Variants in KLHL42 observed in about 807,000 individuals in gnomAD.
KLHL42 encodes kelch like family member 42.
Under a neutral mutation model 32.7 loss-of-function variants are expected in KLHL42, and 27 were observed. The observed-to-expected ratio is 0.83, with a 90% CI of 0.61 to 1.14. The LOEUF (loss-of-function observed/expected upper bound fraction) is 1.14. Among genes scored for constraint, KLHL42 ranks in the 50% most tolerant of loss-of-function variants. The pLI is 0.00. For missense variants in KLHL42, 491 were observed against 560.8 expected (o/e 0.88, Z 1.26); for synonymous variants, 267 against 248.2 (o/e 1.08, Z -0.71).
At chr12:27,785,856 G>T (rs1018836077) in intron 1 of KLHL42, among the ~76,000 whole-genome samples, 1 of 152,108 alleles carries the variant, frequency 6.6e-6, no homozygotes, top group African/African-American at 2.4e-5. Context: ...AAAAGTTAAT[G>T]TATAATTTTA....
intron 1 of KLHL42, among the ~76,000 whole-genome samples, chr12:27,787,366 G>A (rs2062176869): frequency 1.3e-5 from 2 of 151,870 alleles, no homozygotes; most frequent in African/African-American, 4.8e-5. Context: ...ATGGTGGTGG[G>A]CACCTGTAGT....
chr12:27,794,767 T>C (rs2062211627), intron 2 of KLHL42, among the ~76,000 whole-genome samples: 1 of 152,202 alleles, frequency 6.6e-6, no homozygotes, highest in South Asian at 2.1e-4. Context: ...TGTATATTTA[T>C]GTATTTAAGG....
chr12:27,792,961 G>A (rs1026600162), intron 2 of KLHL42, among the ~76,000 whole-genome samples: 8 of 152,156 alleles, frequency 5.3e-5, no homozygotes, highest in Non-Finnish European at 8.8e-5. Context: ...GTGTTGCCTA[G>A]GCTGGTCTTG....
At chr12:27,788,724 T>C (rs2062183966) in intron 1 of KLHL42, among the ~76,000 whole-genome samples, 1 of 152,216 alleles carries the variant, frequency 6.6e-6, no homozygotes, top group Non-Finnish European at 1.5e-5. Context: ...AAAAAAATTT[T>C]TCTTATAAGT....
chr12:27,797,025 CATGGGAA>C (rs1293801515), intron 2 of KLHL42, among the ~76,000 whole-genome samples: 1 of 151,646 alleles, frequency 6.6e-6, no homozygotes, highest in African/African-American at 2.4e-5. Context: ...TTGTGAGGGA[CATGGGAA>C]ATGGGAAAAG....
intron 2 of KLHL42, chr12:27,792,272 G>T (rs576222603): frequency 1.2e-5 from 2 of 173,312 alleles, no homozygotes; most frequent in African/African-American, 2.4e-5. Context: ...GATTATCTGG[G>T]AACTCCCATC....
intron 2 of KLHL42, among the ~76,000 whole-genome samples, chr12:27,792,910 T>A (rs1479364323): frequency 2.0e-5 from 3 of 152,284 alleles, no homozygotes; most frequent in Non-Finnish European, 2.9e-5. Flanking sequence ...ATTAAAAAAA[T>A]TTCTCCACAA....
rs757695156 is a variant in KLHL42, at chr12:27,791,897, C to T, written c.1062C>T (p.Thr354=). ...TTTATGTCATTGGAGGATACACTAC[C>T]AGAGGTAAGTGAAGGGACCAGGTAG... ...GKIYVIGGYT[T]RDRNMNILQY... is the part of the protein sequence containing the mutation. The change falls in exon 2 of 3, where the codon ACC becomes ACT. Residue 354 remains threonine, a synonymous_variant. Transcript: ENST00000381271. 5 of 1,613,706 alleles carry T rather than the reference C, an allele frequency of 3.1e-6. No homozygotes were observed. In the Admixed American group the frequency reaches 5.0e-5, roughly 16 times the overall value.
At position 27,786,295 on chromosome 12, in the gene KLHL42, C is replaced by A. The variant is rs564572237; in HGVS notation, c.872+5093C>A. The stretch of plus-strand genomic sequence containing the variant: ...TCTTTTGTGGTACAGTGCTACTTTT[C>A]AAAATTTCATCATGTGTGCCTCAGC... On this transcript the variant is annotated intron_variant, in intron 1 of 2. Transcript: ENST00000381271. 1.7e-4 allele frequency among the ~76,000 whole-genome samples: 26 copies of A among 152,302 alleles called. 1 individual carries two copies. The highest frequency in any genetic ancestry group is 6.0e-4 in the African/African-American group (25 of 41,560).
rs1565480492 is a variant in KLHL42, at chr12:27,780,642, G to A, written c.312G>A (p.Glu104=). Residue 104 remains glutamate, a synonymous_variant, in exon 1 of 3, where the codon GAG becomes GAA. Transcript: ENST00000381271. This position sits in a 1 kb window ranked among gnomAD's most constrained non-coding sequence, Gnocchi z 8.8. ...TGGATGAGGTGAGCCTGCTGTCCGA[G>A]CTGGTGGAGGCGGCCTCCTTCCTGC... ...EEMDEVSLLS[E]LVEAASFLQV... is the part of the protein sequence containing the mutation. 1 of 1,574,732 alleles carries A rather than the reference G, an allele frequency of 6.4e-7. No homozygotes were observed. The highest frequency in any genetic ancestry group is 1.7e-4 in the Middle Eastern group (1 of 5,854).
chr12:27,787,061 G>A (rs1356235385), intron 1 of KLHL42, among the ~76,000 whole-genome samples: 1 of 152,066 alleles, frequency 6.6e-6, no homozygotes, highest in Non-Finnish European at 1.5e-5. Context: ...GCACTCTGGA[G>A]AAGATAGTGG....
chr12:27,790,266 G>T (rs2062190658), intron 1 of KLHL42, among the ~76,000 whole-genome samples: 2 of 152,078 alleles, frequency 1.3e-5, no homozygotes, highest in Non-Finnish European at 2.9e-5. Flanking sequence ...GTTTCTGATA[G>T]ACTATTTGAT....
chr12:27,783,460 A>G (rs867043670), intron 1 of KLHL42, among the ~76,000 whole-genome samples: 1 of 152,232 alleles, frequency 6.6e-6, no homozygotes, highest in Non-Finnish European at 1.5e-5. Flanking sequence ...CACCTTACAC[A>G]TTTTAAAAAT....
rs1591815796 is a variant in KLHL42 at position 27,791,751 on chromosome 12, A to G, written c.916A>G (p.Ile306Val). ...LVAVNSKLYAIGGQAVSNVEC... is the reference protein window; with the variant it reads ...LVAVNSKLYAVGGQAVSNVEC... ...GGCTGTTAATTCAAAACTCTATGCC[A>G]TCGGAGGGCAGGCCGTTTCTAACGT... Residue 306 changes from isoleucine to valine, a missense_variant, in exon 2 of 3, where the codon ATC becomes GTC. Physicochemically the swap from Ile to Val is conservative, Grantham distance 29. Transcript: ENST00000381271. 12 of 1,614,214 alleles carry G rather than the reference A, an allele frequency of 7.4e-6. No homozygotes were observed. Among genetic ancestry groups the G allele is most frequent in the Non-Finnish European group, 9.3e-6 (11 of 1,180,024 alleles).
At position 27,797,952 on chromosome 12, in the gene KLHL42, C is replaced by T. The variant is rs770449970; in HGVS notation, c.1304C>T (p.Thr435Met). The change falls in exon 3 of 3, where the codon ACG (threonine) becomes ATG (methionine). Residue 435 changes from threonine to methionine, a missense_variant. This residue lies in a region of KLHL42 where 152 missense variants were observed against 125.9 expected (regional missense o/e 1.21). Transcript: ENST00000381271. ...CAGTGGCTCTACCTCAAGGAGAACA[C>T]GTCCAAATCGGGTCTTAACTTGACT... ...TRQWLYLKENTSKSGLNLTCA... is the reference protein window; with the variant it reads ...TRQWLYLKENMSKSGLNLTCA... The T allele has an allele frequency of 7.7e-6, 6 of 781,060 alleles. No individual in the cohort carries two copies. Among genetic ancestry groups the T allele is most frequent in the Non-Finnish European group, 1.4e-5 (6 of 418,128 alleles). The allele number at this position is 781,060 out of a possible 1,614,324, so 48.4% of individuals were successfully genotyped here.
Position 27,783,414 on chromosome 12 carries a change from A to G in KLHL42, c.872+2212A>G, listed in dbSNP as rs1242584518. On this transcript the variant is annotated intron_variant, in intron 1 of 2. Transcript: ENST00000381271. The stretch of plus-strand genomic sequence containing the variant: ...TTGATAGTGGTTAACAATAGGGGAA[A>G]AGTGTTTATGTATATTAATGTGCAC... 2.6e-5 allele frequency among the ~76,000 whole-genome samples: 4 copies of G among 152,170 alleles called. No individual in the cohort carries two copies. The East Asian group carries it at 7.7e-4, about 29-fold the overall frequency.
At chr12:27,791,647 T>C (rs1415311310) in intron 1 of KLHL42, 61 bp from the exon 2 acceptor site, 10 of 1,398,104 alleles carry the variant, frequency 7.2e-6, no homozygotes, top group Middle Eastern at 1.8e-4. Context: ...GTTCATGCCA[T>C]TGTTACACTT....
At chr12:27,786,719 GTTTT>G (rs11341444) in intron 1 of KLHL42, among the ~76,000 whole-genome samples, 1 of 101,140 alleles carries the variant, frequency 9.9e-6, no homozygotes. Context: ...GATTGAAAGA[GTTTT>G]TTTTTTTTTT....
rs563966694 is a variant in KLHL42, at chr12:27,780,750, C to T, written c.420C>T (p.Tyr140=). The change falls in exon 1 of 3, where the codon TAC becomes TAT. Residue 140 remains tyrosine, a synonymous_variant. Coordinates refer to ENST00000381271, the MANE Select transcript of KLHL42 (RefSeq NM_020782.2). The surrounding 1 kb of genome is among the most constrained non-coding windows in gnomAD (Gnocchi z 8.8). ...AGATGTACCGCCTGGCGCAGGTGTACGGGCTGCCCGACCTGCAGGAGGCCT... is the reference window on the plus strand; with the variant it reads ...AGATGTACCGCCTGGCGCAGGTGTATGGGCTGCCCGACCTGCAGGAGGCCT... ...CLEMYRLAQV[Y]GLPDLQEACL... is the part of the protein sequence containing the mutation. The T allele has an allele frequency of 8.1e-6, 13 of 1,613,306 alleles. No homozygotes were observed. In the Admixed American group the frequency reaches 1.0e-4, roughly 12 times the overall value.
Sources: gnomAD v4.1 joint callset for allele counts (sites outside exome capture counted in the v4.1 genomes callset) on GRCh38, gnomAD v4.1.1 for gene constraint, gnomAD v4.1.1 regional missense constraint, Gnocchi (gnomAD v3.1) non-coding constraint, MANE v1.5 for transcripts, NCBI Gene and HGNC (gene_info 2026-07-23, HGNC 2026-07-21) for gene names.